The following GPR22 variants were observed in gnomAD, a reference collection of about 807,000 sequenced individuals.
GPR22 encodes G-protein coupled receptor 22.
GPR22 carries 13 observed loss-of-function variants against 31.0 expected under a neutral mutation model. That is an observed-to-expected ratio of 0.42 (90% CI 0.27 to 0.67). GPR22 has a LOEUF of 0.67. Among genes scored for constraint, GPR22 ranks in the 30% least tolerant of loss-of-function variants. The probability of loss-of-function intolerance (pLI) is 0.25; values close to 1 mark genes in which losing one functional copy is unlikely to be tolerated. For missense variants in GPR22, 368 were observed against 509.6 expected (o/e 0.72, Z 2.67); for synonymous variants, 191 against 173.4 (o/e 1.10, Z -0.80).
In GPR22 at chr7:107,475,309, G is replaced by A. The variant is rs770343806; in HGVS notation, c.1249G>A (p.Glu417Lys). 3 of 1,579,624 alleles carry A rather than the reference G, an allele frequency of 1.9e-6. No individual in the cohort carries two copies. The African/African-American group carries it at 4.1e-5, about 22-fold the overall frequency. The change falls in exon 3 of 3, where the codon GAA becomes AAA. Residue 417 changes from glutamate (E) to lysine (K), a missense_variant. By Grantham distance (56) the Glu-to-Lys change is moderately conservative (BLOSUM62 1). Coordinates refer to ENST00000304402, the MANE Select transcript of GPR22 (RefSeq NM_005295.3). ...DPKRNKKITFEDSEIREKCLV... is the reference protein window; with the variant it reads ...DPKRNKKITFKDSEIREKCLV... ...TAAAAGAAACAAAAAAATTACCTTTGAAGATAGTGAAATAAGAGAAAAATG... is the reference window on the plus strand; with the variant it reads ...TAAAAGAAACAAAAAAATTACCTTTAAAGATAGTGAAATAAGAGAAAAATG...
chr7:107,475,443 T>C lies in GPR22; in HGVS notation c.*81T>C. 3 of 646,368 alleles carry C rather than the reference T, an allele frequency of 4.6e-6. No homozygotes were observed. Among genetic ancestry groups the C allele is most frequent in the East Asian group, 2.8e-5 (1 of 35,660 alleles). The allele number at this position is 646,368 out of a possible 1,614,324, so 40.0% of individuals were successfully genotyped here. A position where few individuals can be genotyped will look rare whatever the true frequency, so the allele number is the denominator to read the frequency against. ...TAAAAACTGATATTACTGCCAAATATAAGAAAAATATTTTAAGTATTGGTT... is the reference window on the plus strand; with the variant it reads ...TAAAAACTGATATTACTGCCAAATACAAGAAAAATATTTTAAGTATTGGTT... On this transcript the variant is annotated 3_prime_UTR_variant, in exon 3 of 3. Coordinates refer to ENST00000304402, the MANE Select transcript of GPR22 (RefSeq NM_005295.3).
At position 107,470,384 on chromosome 7, in the gene GPR22, T is replaced by A. The variant is rs940704810; in HGVS notation, c.-1019T>A. ...GTCCTCTACTAACAAGTGAACAAAA[T>A]GAATCAATCCAAACTGGAAATGCTT... On this transcript the variant is annotated 5_prime_UTR_variant, in exon 1 of 3. The change abolishes an upstream ATG in the 5' untranslated region. Transcript: ENST00000304402. The A allele has an allele frequency of 6.6e-6, 1 of 152,152 alleles. No homozygotes were observed. The highest frequency in any genetic ancestry group is 2.4e-5 in the African/African-American group (1 of 41,446). 9.4% of individuals were successfully genotyped at this position (152,152 alleles called of 1,614,324 possible).
rs777851394 is a variant in GPR22 at position 107,474,661 on chromosome 7, A to G, written c.601A>G (p.Asn201Asp). Residue 201 changes from asparagine (N) to aspartate (D), a missense_variant, in exon 3 of 3, where the codon AAT becomes GAT. By Grantham distance (23) the Asn-to-Asp change is conservative (BLOSUM62 1). Transcript: ENST00000304402. The surrounding 1 kb of genome is among the most constrained non-coding windows in gnomAD (Gnocchi z 5.7). ...CAAGACACTTTTATGTGTCAGTACA[A>G]ATGAATACTACACTGAACTGGGAAT... ...ENKTLLCVST[N>D]EYYTELGMYY... is the part of the protein sequence containing the mutation. 21 of 1,609,846 alleles carry G rather than the reference A, an allele frequency of 1.3e-5. No homozygotes were observed. Among genetic ancestry groups the G allele is most frequent in the Non-Finnish European group, 1.7e-5 (20 of 1,176,734 alleles).
chr7:107,475,437 C>A lies in GPR22; in HGVS notation c.*75C>A. The A allele has an allele frequency of 3.0e-6, 2 of 660,928 alleles. No homozygotes were observed. The highest frequency in any genetic ancestry group is 2.5e-5 in the South Asian group (1 of 40,570). 40.9% of individuals were successfully genotyped at this position (660,928 alleles called of 1,614,324 possible). A position where few individuals can be genotyped will look rare whatever the true frequency, so the allele number is the denominator to read the frequency against. On this transcript the variant is annotated 3_prime_UTR_variant, in exon 3 of 3. Coordinates refer to ENST00000304402, the MANE Select transcript of GPR22 (RefSeq NM_005295.3). ...AAATTGTAAAAACTGATATTACTGC[C>A]AAATATAAGAAAAATATTTTAAGTA... is the stretch of plus-strand genomic sequence containing the variant.
downstream of GPR22, among the ~76,000 whole-genome samples, chr7:107,476,183 T>TAAAAAAA (rs1563056700): frequency 4.0e-3 from 342 of 86,126 alleles, 7 homozygotes; most frequent in African/African-American, 0.019. Flanking sequence ...TGCAATGATT[T>TAAAAAAA]TAAAAAAAAA....
Position 107,474,102 on chromosome 7 carries a change from A to G in GPR22, c.42A>G (p.Glu14=). Residue 14 remains glutamate, a synonymous_variant, in exon 3 of 3, where the codon GAA becomes GAG. Coordinates refer to ENST00000304402, the MANE Select transcript of GPR22 (RefSeq NM_005295.3). The surrounding 1 kb of genome is among the most constrained non-coding windows in gnomAD (Gnocchi z 5.7). The part of the protein sequence containing the change: ...SPILEINMQS[E]SNITVRDDID... Reference sequence around the variant, plus strand: ...TTCTGGAAATCAACATGCAGTCTGAATCTAACATTACAGTGCGAGATGACA... The same window carrying G: ...TTCTGGAAATCAACATGCAGTCTGAGTCTAACATTACAGTGCGAGATGACA... The G allele has an allele frequency of 6.2e-7, 1 of 1,601,312 alleles. No individual in the cohort carries two copies. Among genetic ancestry groups the G allele is most frequent in the South Asian group, 1.1e-5 (1 of 89,026 alleles).
chr7:107,470,632 T>A (rs1437820989), intron 1 of GPR22, among the ~76,000 whole-genome samples, 187 bp downstream of exon 1: 1 of 152,152 alleles, frequency 6.6e-6, no homozygotes, highest in African/African-American at 2.4e-5. Flanking sequence ...TAGGATGCAT[T>A]GTTAAATACA....
downstream of GPR22, among the ~76,000 whole-genome samples, chr7:107,476,405 C>T (rs1320207181): frequency 6.6e-6 from 1 of 151,318 alleles, no homozygotes. Context: ...ATGTTCCCAC[C>T]AAATCATAGC....
Position 107,475,112 on chromosome 7 carries a change from GT to G in GPR22, c.1058del (p.Leu353Ter). 1 of 1,612,058 alleles carries G rather than the reference GT, an allele frequency of 6.2e-7. No homozygotes were observed. ...PSDLLVKLRLCFLVMAYGTTI... is the reference protein window; with the variant it reads ...PSDLLVKLRLXFLVMAYGTTI... ...GACCTTTTAGTAAAATTAAGATTGTGTTTTTTAGTCATGGCTTATGGAACAA... is the reference window on the plus strand; with the variant it reads ...GACCTTTTAGTAAAATTAAGATTGTGTTTTTAGTCATGGCTTATGGAACAA... On this transcript the variant is annotated frameshift_variant, in exon 3 of 3. Transcript: ENST00000304402. LOFTEE classifies it high-confidence loss of function.
chr7:107,475,467 T>C lies in GPR22; in HGVS notation c.*105T>C, dbSNP rs1383840808. On this transcript the variant is annotated 3_prime_UTR_variant, in exon 3 of 3. Coordinates refer to ENST00000304402, the MANE Select transcript of GPR22 (RefSeq NM_005295.3). ...ATAAGAAAAATATTTTAAGTATTGG[T>C]TATGTTGTAAATTTTCAATGTGAAT... 4 of 591,822 alleles carry C rather than the reference T, an allele frequency of 6.8e-6. No homozygotes were observed. Among genetic ancestry groups the C allele is most frequent in the African/African-American group, 1.9e-5 (1 of 53,042 alleles). 36.7% of individuals were successfully genotyped at this position (591,822 alleles called of 1,614,324 possible).
intron 2 of GPR22, among the ~76,000 whole-genome samples, chr7:107,473,728 C>A (rs1796791441): frequency 6.6e-6 from 1 of 151,802 alleles, no homozygotes; most frequent in South Asian, 2.1e-4. Flanking sequence ...TTTTATCATA[C>A]AAAAATACAC....
chr7:107,477,188 T>A (rs1306071127), downstream of GPR22, among the ~76,000 whole-genome samples: 1 of 151,684 alleles, frequency 6.6e-6, no homozygotes, highest in African/African-American at 2.4e-5. Context: ...CTCCTAATCT[T>A]CTTTTATTTT....
At chr7:107,476,185 A>T (rs772722398), downstream of GPR22, among the ~76,000 whole-genome samples, 45 of 85,144 alleles carry the variant, frequency 5.3e-4, no homozygotes, top group East Asian at 2.4e-3. Flanking sequence ...CAATGATTTT[A>T]AAAAAAAAAA....
chr7:107,474,001 AAT>A lies in GPR22; in HGVS notation c.-26-31_-26-30del. The A allele has an allele frequency of 1.2e-6, 1 of 849,636 alleles. No homozygotes were observed. The highest frequency in any genetic ancestry group is 1.7e-5 in the African/African-American group (1 of 58,814). 52.6% of individuals were successfully genotyped at this position (849,636 alleles called of 1,614,324 possible). On this transcript the variant is annotated intron_variant, in intron 2 of 2. Transcript: ENST00000304402. This position sits in a 1 kb window ranked among gnomAD's most constrained non-coding sequence, Gnocchi z 5.7. ...ACGTTATACGTCATTTAAATTGCCA[AAT>A]ATCAAATAGTTTATTCTATTTCACT...
chr7:107,475,903 T>A (rs1203621452), downstream of GPR22, among the ~76,000 whole-genome samples: 1 of 151,476 alleles, frequency 6.6e-6, no homozygotes, highest in Non-Finnish European at 1.5e-5. Flanking sequence ...CGTATGAAGC[T>A]TTATTCTTTT....
chr7:107,477,368 G>A (rs1797053401), downstream of GPR22, among the ~76,000 whole-genome samples: 1 of 151,500 alleles, frequency 6.6e-6, no homozygotes, highest in Non-Finnish European at 1.5e-5. Context: ...ACTCCCTTGT[G>A]TTTTAAATAT....
chr7:107,473,030 A>T (rs1398277941), intron 2 of GPR22: 1 of 151,630 alleles, frequency 6.6e-6, no homozygotes, highest in African/African-American at 2.4e-5. Context: ...ATTTTTTTTT[A>T]ATTTTTCTTC....
downstream of GPR22, among the ~76,000 whole-genome samples, chr7:107,476,140 T>C (rs1796965102): frequency 7.3e-6 from 1 of 137,544 alleles, no homozygotes; most frequent in Admixed American, 7.8e-5. Context: ...TCACTTTGCT[T>C]AAGTCTAAGC....
Position 107,475,188 on chromosome 7 carries a change from G to A in GPR22, c.1128G>A (p.Lys376=), listed in dbSNP as rs1435058893. The A allele has an allele frequency of 3.1e-6, 5 of 1,610,724 alleles. No homozygotes were observed. Among genetic ancestry groups the A allele is most frequent in the Middle Eastern group, 1.7e-4 (1 of 6,036 alleles). The change falls in exon 3 of 3, where the codon AAG becomes AAA. Residue 376 remains lysine, a synonymous_variant. Coordinates refer to ENST00000304402, the MANE Select transcript of GPR22 (RefSeq NM_005295.3). ...CATTCACTAGACAAAAATTTCAAAAGGTCTTGAAAAGTAAAATGAAAAAGC... is the reference window on the plus strand; with the variant it reads ...CATTCACTAGACAAAAATTTCAAAAAGTCTTGAAAAGTAAAATGAAAAAGC... ...LYAFTRQKFQ[K]VLKSKMKKRV...
Sources: allele counts gnomAD v4.1 joint callset (sites outside exome capture counted in the v4.1 genomes callset), GRCh38; gene constraint gnomAD v4.1.1; non-coding constraint Gnocchi (gnomAD v3.1); transcripts MANE v1.5; gene names NCBI Gene and HGNC (gene_info 2026-07-23, HGNC 2026-07-21).